The following ALDH1A2 variants were observed in gnomAD, a reference collection of about 807,000 sequenced individuals.
ALDH1A2 encodes the protein aldehyde dehydrogenase 1 family member A2.
ALDH1A2 carries 27 observed loss-of-function variants against 60.3 expected under a neutral mutation model. That is an observed-to-expected ratio of 0.45 (90% CI 0.33 to 0.62). The LOEUF (loss-of-function observed/expected upper bound fraction) is 0.62, where lower values mean the gene tolerates loss of function less well. Among genes scored for constraint, ALDH1A2 ranks in the 20% least tolerant of loss-of-function variants. ALDH1A2 has a pLI of 0.02. For synonymous variants in ALDH1A2, 289 were observed against 232.4 expected (o/e 1.24, Z -2.21); for missense variants, 581 against 643.8 (o/e 0.90, Z 1.06).
intron 1 of ALDH1A2, chr15:58,058,002 C>A: frequency 1.0e-5 from 14 of 1,406,126 alleles, no homozygotes; most frequent in Non-Finnish European, 1.3e-5. Flanking sequence ...ATAGATGAGG[C>A]AGAATTCACC....
intron 7 of ALDH1A2, among the ~76,000 whole-genome samples, chr15:57,981,064 C>A (rs1433430185): frequency 1.3e-5 from 2 of 152,124 alleles, no homozygotes; most frequent in Non-Finnish European, 2.9e-5. Flanking sequence ...GTGGTGATAA[C>A]CCCTTTATCG....
At chr15:58,052,209 A>C (rs746839688) in intron 1 of ALDH1A2, among the ~76,000 whole-genome samples, 36 of 152,132 alleles carry the variant, frequency 2.4e-4, no homozygotes, top group Non-Finnish European at 3.7e-4. Context: ...TATTTTCAAC[A>C]AAACTGTTTG....
At chr15:58,049,467 A>T (rs1369174423) in intron 1 of ALDH1A2, among the ~76,000 whole-genome samples, 2 of 152,098 alleles carry the variant, frequency 1.3e-5, no homozygotes, top group Non-Finnish European at 2.9e-5. Context: ...CTTTTTATTC[A>T]TTCTGATTCT....
chr15:58,058,204 C>A (rs1896943080), intron 1 of ALDH1A2: 1 of 740,444 alleles, frequency 1.4e-6, no homozygotes, highest in East Asian at 2.9e-5. Flanking sequence ...CTCCTTCCCA[C>A]CTGAAATCGT....
Position 57,954,315 on chromosome 15 carries a change from G to A in ALDH1A2, c.*882C>T, listed in dbSNP as rs1394237387. 3 of 152,654 alleles carry A rather than the reference G, an allele frequency of 2.0e-5. No homozygotes were observed. Among genetic ancestry groups the A allele is most frequent in the African/African-American group, 7.2e-5 (3 of 41,448 alleles). 9.5% of individuals were successfully genotyped at this position (152,654 alleles called of 1,614,324 possible). ...CTGAATGATGTCTGCAAGGCATCCA[G>A]CATTATCAAATTCTTGGGCCTACTC... On this transcript the variant is annotated 3_prime_UTR_variant, in exon 13 of 13. Coordinates refer to ENST00000249750, the MANE Select transcript of ALDH1A2 (RefSeq NM_003888.4).
Position 58,065,556 on chromosome 15 carries a change from T to C in ALDH1A2, c.95A>G (p.Asn32Ser), listed in dbSNP as rs1028994318. Residue 32 changes from asparagine to serine, a missense_variant, in exon 1 of 13, where the codon AAT becomes AGT. This residue lies in a region of ALDH1A2 where 206 missense variants were observed against 174.1 expected (regional missense o/e 1.18). Coordinates refer to ENST00000249750, the MANE Select transcript of ALDH1A2 (RefSeq NM_003888.4). ...TACCTTGGTGTACTTAATTTCGAGATTGGGCGTGGGCGACGGCAGGAGGTG... is the reference window on the plus strand; with the variant it reads ...TACCTTGGTGTACTTAATTTCGAGACTGGGCGTGGGCGACGGCAGGAGGTG... Reference protein sequence around the residue: ...SLHLLPSPTPNLEIKYTKIFI... With the variant: ...SLHLLPSPTPSLEIKYTKIFI... The C allele has an allele frequency of 1.9e-6, 3 of 1,613,370 alleles. No individual in the cohort carries two copies. The highest frequency in any genetic ancestry group is 2.2e-5 in the East Asian group (1 of 44,792).
intron 1 of ALDH1A2, among the ~76,000 whole-genome samples, chr15:58,018,764 G>A (rs1441025058): frequency 6.6e-6 from 1 of 152,060 alleles, no homozygotes; most frequent in Non-Finnish European, 1.5e-5. Flanking sequence ...TCAAACATGA[G>A]GATACAACAG....
At chr15:57,997,555 A>G (rs540048464) in intron 4 of ALDH1A2, among the ~76,000 whole-genome samples, 2 of 152,090 alleles carry the variant, frequency 1.3e-5, no homozygotes, top group East Asian at 3.9e-4. Context: ...ATGGTTCAGA[A>G]AAAAAAACTC....
At chr15:58,034,636 C>G (rs8032107) in intron 1 of ALDH1A2, among the ~76,000 whole-genome samples, 57,820 of 151,286 alleles carry the variant, frequency 0.38, 11,997 homozygotes, top group Non-Finnish European at 0.48. Flanking sequence ...GGAGATTCTC[C>G]TCTATTCATA....
At chr15:57,970,204 C>CT (rs1288585274) in intron 7 of ALDH1A2, among the ~76,000 whole-genome samples, 2 of 152,196 alleles carry the variant, frequency 1.3e-5, no homozygotes, top group African/African-American at 4.8e-5. Flanking sequence ...AAAACCTCAT[C>CT]TTTTTTTAGT....
At chr15:58,034,089 T>C (rs939997207) in intron 1 of ALDH1A2, among the ~76,000 whole-genome samples, 3 of 151,766 alleles carry the variant, frequency 2.0e-5, no homozygotes, top group African/African-American at 7.2e-5. Flanking sequence ...AGAAATGACA[T>C]CTTAATAATT....
rs202113583 is a variant in ALDH1A2, at chr15:57,975,501, GGAAATCC to G, written c.799-9681_799-9675del. Among the ~76,000 whole-genome samples, 96 of 152,232 alleles carry G rather than the reference GGAAATCC, an allele frequency of 6.3e-4. 1 individual carries two copies. The East Asian group carries it at 0.016, about 26-fold the overall frequency. On this transcript the variant is annotated intron_variant, in intron 7 of 12. Transcript: ENST00000249750. ...ACTTACCAGTTGAGCACCCCGATCT[GGAAATCC>G]AAAATCCAAAATGCTCCAATGAGCC...
intron 1 of ALDH1A2, among the ~76,000 whole-genome samples, chr15:58,035,949 A>G (rs866321174): frequency 2.6e-5 from 4 of 151,648 alleles, no homozygotes; most frequent in Admixed American, 1.3e-4. Flanking sequence ...GAGTAAACCC[A>G]GCTTTTGCAT....
chr15:58,044,204 T>C (rs1286192016), intron 1 of ALDH1A2, among the ~76,000 whole-genome samples: 1 of 151,994 alleles, frequency 6.6e-6, no homozygotes, highest in Non-Finnish European at 1.5e-5. Context: ...GTTTGTTACC[T>C]AGGTATACAT....
intron 4 of ALDH1A2, among the ~76,000 whole-genome samples, chr15:58,007,967 A>T (rs1362518609): frequency 6.6e-6 from 1 of 152,122 alleles, no homozygotes; most frequent in Admixed American, 6.6e-5. Flanking sequence ...CCCCTGATTT[A>T]GTCCAGCTAC....
At chr15:57,981,513 C>A (rs1425491456) in intron 7 of ALDH1A2, among the ~76,000 whole-genome samples, 1 of 152,154 alleles carries the variant, frequency 6.6e-6, no homozygotes, top group Middle Eastern at 3.2e-3. Flanking sequence ...ATATGCCAAG[C>A]AATATGCTTG....
intron 1 of ALDH1A2, among the ~76,000 whole-genome samples, chr15:58,058,412 CA>C (rs1331599349): frequency 1.4e-5 from 2 of 144,360 alleles, no homozygotes; most frequent in Non-Finnish European, 3.0e-5. Flanking sequence ...AAGAGTCACA[CA>C]ACCTATACCA....
intron 1 of ALDH1A2, among the ~76,000 whole-genome samples, chr15:58,024,475 T>G (rs1340400199): frequency 1.3e-5 from 2 of 152,150 alleles, no homozygotes; most frequent in Non-Finnish European, 2.9e-5. Context: ...GCCAAGAAGT[T>G]CATTATATAA....
intron 4 of ALDH1A2, among the ~76,000 whole-genome samples, chr15:58,006,993 C>A (rs7171504): frequency 6.6e-6 from 1 of 151,564 alleles, no homozygotes; most frequent in African/African-American, 2.4e-5. Context: ...TCTAGTGTTC[C>A]TAAGTGCAAG....
Sources: gnomAD v4.1 joint callset for allele counts (sites outside exome capture counted in the v4.1 genomes callset) on GRCh38, gnomAD v4.1.1 for gene constraint, gnomAD v4.1.1 regional missense constraint, MANE v1.5 for transcripts, NCBI Gene and HGNC (gene_info 2026-07-23, HGNC 2026-07-21) for gene names.